RORA: variants seen among roughly 807,000 people sequenced by gnomAD.
RORA encodes the protein RAR related orphan receptor A, also known as nuclear receptor ROR-alpha.
Under a neutral mutation model 69.5 loss-of-function variants are expected in RORA, and 7 were observed. The ratio of observed to expected loss-of-function variants is 0.10; its 90% CI spans 0.06 to 0.19. The LOEUF (loss-of-function observed/expected upper bound fraction) is 0.19, where lower values mean the gene tolerates loss of function less well. Among genes scored for constraint, RORA ranks in the 10% least tolerant of loss-of-function variants. The pLI is 1.00. For missense variants in RORA, 457 were observed against 663.0 expected (o/e 0.69, Z 3.41); for synonymous variants, 261 against 240.8 (o/e 1.08, Z -0.78).
chr15:61,065,700 C>G (rs538830895), intron 1 of RORA, among the ~76,000 whole-genome samples: 2 of 152,254 alleles, frequency 1.3e-5, no homozygotes, highest in East Asian at 3.9e-4. Flanking sequence ...CTCTTGCATT[C>G]AAAGAATCCA....
At chr15:60,796,130 T>G (rs2072491286) in intron 1 of RORA, among the ~76,000 whole-genome samples, 1 of 152,224 alleles carries the variant, frequency 6.6e-6, no homozygotes, top group African/African-American at 2.4e-5. Flanking sequence ...TTAGCTGTGG[T>G]TCTGCCACGT....
chr15:60,656,727 C>A (rs901027748), intron 2 of RORA, among the ~76,000 whole-genome samples: 1 of 152,138 alleles, frequency 6.6e-6, no homozygotes, highest in Non-Finnish European at 1.5e-5. Context: ...GCAGGTATCT[C>A]CCCGTCTGTC....
At chr15:60,593,141 G>A (rs960330278) in intron 2 of RORA, 10 of 304,558 alleles carry the variant, frequency 3.3e-5, no homozygotes, top group Admixed American at 4.9e-5. Context: ...GGCCTGGGCG[G>A]GGGAACTCCG....
chr15:61,170,357 T>C (rs2079574611), intron 1 of RORA, among the ~76,000 whole-genome samples: 1 of 152,202 alleles, frequency 6.6e-6, no homozygotes, highest in Admixed American at 6.5e-5. Context: ...AAGCCAGCAG[T>C]GTAGCGTCTT....
At chr15:61,080,699 C>T (rs917630664) in intron 1 of RORA, among the ~76,000 whole-genome samples, 2 of 152,266 alleles carry the variant, frequency 1.3e-5, no homozygotes, top group East Asian at 1.9e-4. Flanking sequence ...GTATAGAGTA[C>T]GTTACATGGC....
intron 1 of RORA, among the ~76,000 whole-genome samples, chr15:61,174,545 T>C (rs1391314347): frequency 6.6e-6 from 1 of 152,240 alleles, no homozygotes; most frequent in Admixed American, 6.5e-5. Context: ...AATGCACAGA[T>C]GTTTCTCAGG....
At chr15:61,109,738 A>G (rs573286533) in intron 1 of RORA, among the ~76,000 whole-genome samples, 1 of 152,152 alleles carries the variant, frequency 6.6e-6, no homozygotes, top group Non-Finnish European at 1.5e-5. Flanking sequence ...TTCACATCCT[A>G]ACTCCATTAT....
intron 1 of RORA, among the ~76,000 whole-genome samples, chr15:61,175,071 A>G (rs4775370): frequency 0.8 from 122,227 of 152,080 alleles, 49,570 homozygotes; most frequent in Non-Finnish European, 0.86. Context: ...AATAGAAGTG[A>G]AAGAAGGAAA....
At chr15:60,544,701 A>C (rs2067015326) in intron 2 of RORA, 1 of 152,108 alleles carries the variant, frequency 6.6e-6, no homozygotes, top group African/African-American at 2.4e-5. Flanking sequence ...CCTCTCTTTG[A>C]AGGCCACTAA....
intron 1 of RORA, among the ~76,000 whole-genome samples, chr15:60,998,678 C>T (rs756092721): frequency 7.9e-5 from 12 of 151,606 alleles, no homozygotes; most frequent in Non-Finnish European, 1.2e-4. Context: ...GGATTACAGG[C>T]GTGAGCCACC....
intron 1 of RORA, among the ~76,000 whole-genome samples, chr15:60,788,752 A>G (rs1232099276): frequency 6.6e-6 from 1 of 152,116 alleles, no homozygotes; most frequent in Non-Finnish European, 1.5e-5. Context: ...TACCTCAGCC[A>G]CACCCACGGC....
At chr15:61,137,084 AAAG>A (rs1220777704) in intron 1 of RORA, among the ~76,000 whole-genome samples, 3 of 151,270 alleles carry the variant, frequency 2.0e-5, no homozygotes, top group Non-Finnish European at 2.9e-5. Context: ...AGAAAGAAAG[AAAG>A]AAAGAAAGAA....
chr15:60,721,712 G>A (rs1294984859), intron 1 of RORA, among the ~76,000 whole-genome samples: 2 of 152,222 alleles, frequency 1.3e-5, no homozygotes, highest in Admixed American at 6.5e-5. Flanking sequence ...CCAGATATAG[G>A]AAACATTTAT....
intron 1 of RORA, among the ~76,000 whole-genome samples, chr15:61,135,636 A>G (rs2079231778): frequency 6.6e-6 from 1 of 151,708 alleles, no homozygotes; most frequent in Non-Finnish European, 1.5e-5. Context: ...ATGCGGCTAC[A>G]AGATTCCAGT....
intron 2 of RORA, among the ~76,000 whole-genome samples, chr15:60,543,170 CTTTTTTTTTTTTTTTTTTTTTTTTT>C (rs200401959): frequency 1.1e-3 from 135 of 125,428 alleles, no homozygotes; most frequent in African/African-American, 4.9e-3. Flanking sequence ...AAAGTGAAAA[CTTTTTTTTTTTTTTTTTTTTTTTTT>C]TTTTTTTTTT....
intron 2 of RORA, among the ~76,000 whole-genome samples, chr15:60,634,677 A>C (rs2069804850): frequency 6.6e-6 from 1 of 152,126 alleles, no homozygotes; most frequent in Non-Finnish European, 1.5e-5. Flanking sequence ...TGCTGGGATT[A>C]CAAGCTTGAG....
intron 1 of RORA, among the ~76,000 whole-genome samples, chr15:60,753,239 T>A (rs2071752436): frequency 6.6e-6 from 1 of 152,212 alleles, no homozygotes; most frequent in African/African-American, 2.4e-5. Flanking sequence ...CAACAGTTAC[T>A]TCAACTCTCT....
chr15:60,994,645 C>T (rs540074718), intron 1 of RORA, among the ~76,000 whole-genome samples: 1 of 152,290 alleles, frequency 6.6e-6, no homozygotes, highest in African/African-American at 2.4e-5. Context: ...ATGATTATAG[C>T]CCAGGAATAG....
intron 2 of RORA, among the ~76,000 whole-genome samples, chr15:60,572,069 G>A (rs1157534434): frequency 6.6e-6 from 1 of 152,186 alleles, no homozygotes; most frequent in East Asian, 1.9e-4. Context: ...TTCCATGCAT[G>A]AGATTCCATA....
Sources: allele counts gnomAD v4.1 joint callset (sites outside exome capture counted in the v4.1 genomes callset), GRCh38; gene constraint gnomAD v4.1.1; transcripts MANE v1.5; gene names NCBI Gene and HGNC (gene_info 2026-07-23, HGNC 2026-07-21).